The following VDR variants were observed in gnomAD, a reference collection of about 807,000 sequenced individuals.
VDR encodes the protein vitamin D receptor.
Under a neutral mutation model 39.7 loss-of-function variants are expected in VDR, and 19 were observed. The observed-to-expected ratio is 0.48, with a 90% CI of 0.33 to 0.70. The LOEUF (loss-of-function observed/expected upper bound fraction) is 0.70. Ranked by LOEUF, VDR falls within the 30% of genes least tolerant of loss-of-function variation. VDR has a pLI of 0.02. For synonymous variants in VDR, 242 were observed against 215.8 expected (o/e 1.12, Z -1.07); for missense variants, 442 against 570.5 (o/e 0.77, Z 2.29).
chr12:47,882,071 G>A (rs1298944080), intron 2 of VDR, among the ~76,000 whole-genome samples: 1 of 152,202 alleles, frequency 6.6e-6, no homozygotes, highest in African/African-American at 2.4e-5. Context: ...CTCATTTGGA[G>A]ATGCTATGAT....
At chr12:47,846,887 G>C (rs1945291810) in intron 7 of VDR, 79 bp from the exon 8 acceptor site, 1 of 1,548,436 alleles carries the variant, frequency 6.5e-7, no homozygotes, top group Admixed American at 1.7e-5. Flanking sequence ...TGCTTTGACA[G>C]GTATACACCT....
At chr12:47,868,783 T>C (rs1945787961) in intron 3 of VDR, among the ~76,000 whole-genome samples, 2 of 137,434 alleles carry the variant, frequency 1.5e-5, no homozygotes, top group African/African-American at 5.2e-5. Flanking sequence ...TTTTTTTGTT[T>C]TTCAACAACC....
At chr12:47,889,224 T>G (rs1053132545) in intron 1 of VDR, among the ~76,000 whole-genome samples, 1 of 151,988 alleles carries the variant, frequency 6.6e-6, no homozygotes, top group Non-Finnish European at 1.5e-5. Context: ...AGTAAGGAAG[T>G]ATACTTTCTC....
chr12:47,869,535 CAA>C (rs33940574), intron 3 of VDR, among the ~76,000 whole-genome samples: 18,862 of 66,870 alleles, frequency 0.28, 529 homozygotes, highest in East Asian at 0.47. Flanking sequence ...GACTCCATCT[CAA>C]AAAAAAAAAA....
intron 1 of VDR, among the ~76,000 whole-genome samples, chr12:47,903,055 G>A (rs572934525): frequency 6.6e-5 from 10 of 152,172 alleles, no homozygotes; most frequent in Admixed American, 6.5e-4. Flanking sequence ...AACAGCACCC[G>A]ACCTTCCATA....
intron 2 of VDR, 49 bp downstream of exon 2, chr12:47,882,645 C>CT: frequency 1.9e-6 from 2 of 1,027,896 alleles, no homozygotes; most frequent in South Asian, 1.5e-5. Flanking sequence ...CACCCCGCCC[C>CT]TTGAAAACAG....
rs765563014 is a variant in VDR, at chr12:47,879,097, G to A, written c.17C>T (p.Ala6Val). MEAMA[A>V]STSLPDPGDF... The stretch of plus-strand genomic sequence containing the variant: ...TCCAGGGTCAGGCAGGGAAGTGCTG[G>A]CCGCCATTGCCTCCATCCCTGTAAG... The change falls in exon 3 of 10, where the codon GCC becomes GTC. Residue 6 changes from alanine (A) to valine (V), a missense_variant. Physicochemically the swap from Ala to Val is moderately conservative, Grantham distance 64. Coordinates refer to ENST00000549336, the MANE Select transcript of VDR (RefSeq NM_000376.3). 8.1e-6 allele frequency: 13 copies of A among 1,613,980 alleles called. No individual in the cohort carries two copies. The South Asian group carries it at 1.3e-4, about 16-fold the overall frequency.
chr12:47,882,919 A>G, intron 1 of VDR, 145 bp from the exon 2 acceptor site: 2 of 615,982 alleles, frequency 3.2e-6, no homozygotes, highest in Non-Finnish European at 5.4e-6. Flanking sequence ...TGTTGGGAGC[A>G]GGCATGCCAT....
At chr12:47,865,231 C>T (rs1187503444) in intron 3 of VDR, 54 bp from the exon 4 acceptor site, 1 of 1,599,604 alleles carries the variant, frequency 6.3e-7, no homozygotes, top group Non-Finnish European at 8.5e-7. Flanking sequence ...GGCTCCTCAC[C>T]CTGTCATCAC....
Position 47,843,073 on chromosome 12 carries a change from T to C in VDR, c.*1673A>G, listed in dbSNP as rs1945203024. 6.6e-6 allele frequency: 1 copy of C among 152,174 alleles called. No individual in the cohort carries two copies. The allele number at this position is 152,174 out of a possible 1,614,324, so 9.4% of individuals were successfully genotyped here. The stretch of plus-strand genomic sequence containing the variant: ...CCTGTATATTAGACTATAATACAAA[T>C]GGAGTCTGAGTCTGAAAACAACTCA... On this transcript the variant is annotated 3_prime_UTR_variant, in exon 10 of 10. Transcript: ENST00000549336.
At chr12:47,865,734 A>C (rs1165048272) in intron 3 of VDR, among the ~76,000 whole-genome samples, 1 of 65,860 alleles carries the variant, frequency 1.5e-5, no homozygotes, top group African/African-American at 6.0e-5. Flanking sequence ...TTTTTTTTTG[A>C]GACGGAGTTT....
chr12:47,846,711 A>G lies in VDR; in HGVS notation c.853T>C (p.Ser285Pro). 1 of 1,614,168 alleles carries G rather than the reference A, an allele frequency of 6.2e-7. No individual in the cohort carries two copies. Among genetic ancestry groups the G allele is most frequent in the South Asian group, 1.1e-5 (1 of 91,072 alleles). Residue 285 changes from serine (S) to proline (P), a missense_variant, in exon 8 of 10, where the codon TCC becomes CCC. By Grantham distance (74) the Ser-to-Pro change is moderately conservative (BLOSUM62 -1). Coordinates refer to ENST00000549336, the MANE Select transcript of VDR (RefSeq NM_000376.3). ...SNESFTMDDMSWTCGNQDYKY... is the reference protein window; with the variant it reads ...SNESFTMDDMPWTCGNQDYKY... ...TAGTCTTGGTTGCCACAGGTCCAGG[A>G]CATGTCGTCCATGGTGAAGGACTCA...
chr12:47,887,587 C>G (rs1036360552), intron 1 of VDR, among the ~76,000 whole-genome samples: 1 of 152,206 alleles, frequency 6.6e-6, no homozygotes, highest in African/African-American at 2.4e-5. Flanking sequence ...ATGATCCCCA[C>G]AAGAAGAGTG....
chr12:47,882,534 C>T (rs990983108), intron 2 of VDR, 160 bp downstream of exon 2: 1 of 638,002 alleles, frequency 1.6e-6, no homozygotes, highest in Non-Finnish European at 2.7e-6. Context: ...CACACTCATG[C>T]ATCTCAGTTG....
At chr12:47,846,935 G>C (rs1945292512) in intron 7 of VDR, 127 bp from the exon 8 acceptor site, 2 of 1,095,320 alleles carry the variant, frequency 1.8e-6, no homozygotes, top group South Asian at 2.5e-5. Flanking sequence ...TTTCATCGAG[G>C]AGCTTGCAGG....
At chr12:47,901,898 G>A (rs1037363529) in intron 1 of VDR, among the ~76,000 whole-genome samples, 2 of 152,242 alleles carry the variant, frequency 1.3e-5, no homozygotes, top group South Asian at 2.1e-4. Flanking sequence ...GAAGTCACAC[G>A]AGTGGTGGGC....
intron 4 of VDR, among the ~76,000 whole-genome samples, chr12:47,859,923 T>TTTTCTTTCTTTCTTTCTTTCTTTC (rs778112133): frequency 2.2e-4 from 11 of 50,952 alleles, no homozygotes; most frequent in East Asian, 4.7e-4. Context: ...CCTTCTTTCT[T>TTTTCTTTCTTTCTTTCTTTCTTTC]TTTCTTTCTT....
At chr12:47,856,353 G>C (rs577197612) in intron 6 of VDR, among the ~76,000 whole-genome samples, 1 of 152,186 alleles carries the variant, frequency 6.6e-6, no homozygotes, top group Non-Finnish European at 1.5e-5. Context: ...CACACTTCCT[G>C]GAATTCATTG....
chr12:47,846,190 C>A, intron 9 of VDR, 145 bp downstream of exon 9: 2 of 717,434 alleles, frequency 2.8e-6, no homozygotes, highest in Non-Finnish European at 2.4e-6. Context: ...AGGGGCTCTG[C>A]AAACCAGCAA....
Sources: allele counts gnomAD v4.1 joint callset (sites outside exome capture counted in the v4.1 genomes callset), GRCh38; gene constraint gnomAD v4.1.1; transcripts MANE v1.5; gene names NCBI Gene and HGNC (gene_info 2026-07-23, HGNC 2026-07-21).